GMPR: variants seen among roughly 807,000 people sequenced by gnomAD.
GMPR encodes the protein guanosine monophosphate reductase.
Under a neutral mutation model 38.4 loss-of-function variants are expected in GMPR, and 31 were observed. That is an observed-to-expected ratio of 0.81 (90% CI 0.61 to 1.09). The LOEUF is 1.09. GMPR is among the 50% of genes least tolerant of loss of function. The pLI is 0.00. For synonymous variants in GMPR, 162 were observed against 173.3 expected, an observed-to-expected ratio of 0.93 and a Z score of 0.51; for missense variants, 468 against 453.7, an observed-to-expected ratio of 1.03 and a Z score of -0.29.
intron 3 of GMPR, among the ~76,000 whole-genome samples, chr6:16,250,927 C>A (rs1758861221): frequency 6.6e-6 from 1 of 151,696 alleles, no homozygotes; most frequent in South Asian, 2.1e-4. Flanking sequence ...GGAACTGGAA[C>A]CCTTATTCAC....
At chr6:16,259,335 A>G (rs575827682) in intron 4 of GMPR, 1 of 152,046 alleles carries the variant, frequency 6.6e-6, no homozygotes, top group Admixed American at 6.6e-5. Context: ...TTGTGGTAGA[A>G]TGTCATCAGT....
chr6:16,289,263 T>G (rs1444312130), intron 7 of GMPR, among the ~76,000 whole-genome samples: 1 of 151,966 alleles, frequency 6.6e-6, no homozygotes, highest in African/African-American at 2.4e-5. Context: ...ACAGTGAGAG[T>G]CTATGGCTTC....
intron 4 of GMPR, among the ~76,000 whole-genome samples, chr6:16,272,945 G>T: frequency 6.6e-6 from 1 of 152,114 alleles, no homozygotes; most frequent in East Asian, 1.9e-4. Context: ...TTATAGGCGT[G>T]AGCCACTGCA....
chr6:16,239,208 G>A (rs900765247), intron 1 of GMPR, among the ~76,000 whole-genome samples: 3 of 152,168 alleles, frequency 2.0e-5, no homozygotes, highest in African/African-American at 7.2e-5. Flanking sequence ...TGCTGCTTTC[G>A]CTTCGGGTCC....
At position 16,238,678 on chromosome 6, in the gene GMPR, C is replaced by T. The variant is rs1416912502; in HGVS notation, c.-16C>T. The T allele has an allele frequency of 1.5e-6, 2 of 1,311,488 alleles. No individual in the cohort carries two copies. Among genetic ancestry groups the T allele is most frequent in the South Asian group, 2.0e-5 (1 of 48,932 alleles). 81.2% of individuals were successfully genotyped at this position (1,311,488 alleles called of 1,614,324 possible). A position where few individuals can be genotyped will look rare whatever the true frequency, so the allele number is the denominator to read the frequency against. ...GCCCCGCCGTCGCCGCCGCCGCAGC[C>T]AGGAGCCGCTGCACCATGCCCCGCA... On this transcript the variant is annotated 5_prime_UTR_variant, in exon 1 of 9. Transcript: ENST00000259727.
At chr6:16,238,913 T>G in intron 1 of GMPR, 133 bp downstream of exon 1, 12 of 349,970 alleles carry the variant, frequency 3.4e-5, no homozygotes, top group Admixed American at 9.6e-5. Context: ...TGCGCCCCCG[T>G]TCCCGCGCCC....
chr6:16,248,817 C>G (rs1265769917), intron 2 of GMPR, among the ~76,000 whole-genome samples: 1 of 152,158 alleles, frequency 6.6e-6, no homozygotes, highest in Non-Finnish European at 1.5e-5. Context: ...AGGGAGCAGT[C>G]AAGTCTGATT....
intron 8 of GMPR, among the ~76,000 whole-genome samples, chr6:16,293,042 G>C (rs1759869573): frequency 1.3e-5 from 2 of 150,072 alleles, no homozygotes; most frequent in South Asian, 4.3e-4. Flanking sequence ...CTCTCTCTTA[G>C]TTTTCAGCCC....
intron 6 of GMPR, among the ~76,000 whole-genome samples, chr6:16,284,786 G>C (rs549826717): frequency 6.6e-6 from 1 of 152,058 alleles, no homozygotes; most frequent in Admixed American, 6.6e-5. Flanking sequence ...TTGGGAGGCC[G>C]AGGTGGGCGG....
intron 4 of GMPR, among the ~76,000 whole-genome samples, chr6:16,270,694 G>A (rs35027055): frequency 2.0e-4 from 30 of 152,186 alleles, no homozygotes; most frequent in South Asian, 1.2e-3. Flanking sequence ...AAACTCCCCC[G>A]TCCTCCTGGA....
At chr6:16,270,097 G>A (rs972384754) in intron 4 of GMPR, among the ~76,000 whole-genome samples, 9 of 152,222 alleles carry the variant, frequency 5.9e-5, no homozygotes, top group African/African-American at 1.4e-4. Context: ...TTGGAGGGAC[G>A]TAAACATTCA....
At chr6:16,277,463 C>A (rs1462012164) in intron 5 of GMPR, among the ~76,000 whole-genome samples, 1 of 152,184 alleles carries the variant, frequency 6.6e-6, no homozygotes. Context: ...TTTACCCTGT[C>A]CCCAGAGCGC....
At chr6:16,239,250 A>G (rs1380340028) in intron 1 of GMPR, among the ~76,000 whole-genome samples, 1 of 152,006 alleles carries the variant, frequency 6.6e-6, no homozygotes, top group Non-Finnish European at 1.5e-5. Context: ...CGTCTGAAAA[A>G]CCAGAACCCA....
At chr6:16,276,176 GCTTTATTTT>G (rs1384705253) in intron 5 of GMPR, among the ~76,000 whole-genome samples, 1 of 152,084 alleles carries the variant, frequency 6.6e-6, no homozygotes, top group Admixed American at 6.5e-5. Context: ...GGCTCTCAAA[GCTTTATTTT>G]TTTTGAGACA....
At chr6:16,292,648 A>G (rs1390228228) in intron 8 of GMPR, among the ~76,000 whole-genome samples, 1 of 152,170 alleles carries the variant, frequency 6.6e-6, no homozygotes, top group African/African-American at 2.4e-5. Flanking sequence ...GGGCCTGCAC[A>G]TGTGTCCTCT....
Position 16,295,173 on chromosome 6 carries a change from C to A in GMPR, c.1025C>A (p.Thr342Asn). Residue 342 changes from threonine (T) to asparagine (N), a missense_variant, in exon 9 of 9, where the codon ACC (threonine) becomes AAC (asparagine). Physicochemically the swap from Thr to Asn is moderately conservative, Grantham distance 65. Coordinates refer to ENST00000259727, the MANE Select transcript of GMPR (RefSeq NM_006877.4). ...TFIRVTQQHNTVFS is the reference protein window; with the variant it reads ...TFIRVTQQHNNVFS Reference sequence around the variant, plus strand: ...ATCCGGGTGACCCAGCAGCACAACACCGTGTTCAGCTAACCCTGGGGACAA... The same window carrying A: ...ATCCGGGTGACCCAGCAGCACAACAACGTGTTCAGCTAACCCTGGGGACAA... 1.3e-6 allele frequency: 2 copies of A among 1,523,716 alleles called. No homozygotes were observed. The highest frequency in any genetic ancestry group is 8.8e-7 in the Non-Finnish European group (1 of 1,142,392). 94.4% of individuals were successfully genotyped at this position (1,523,716 alleles called of 1,614,324 possible).
chr6:16,270,987 GACCA>G lies in GMPR; in HGVS notation c.466-3427_466-3424del, dbSNP rs1302912736. Among the ~76,000 whole-genome samples the G allele has an allele frequency of 1.3e-3, 198 of 152,224 alleles. 1 individual carries two copies. Among genetic ancestry groups the G allele is most frequent in the Non-Finnish European group, 2.3e-3 (154 of 68,010 alleles). On this transcript the variant is annotated intron_variant, in intron 4 of 8. Transcript: ENST00000259727. ...GGATTACTTGAGGCCAGGAGTTAGAGACCAGCCTGGGCAACATAGCAAGGCCCTA... is the reference window on the plus strand; with the variant it reads ...GGATTACTTGAGGCCAGGAGTTAGAGGCCTGGGCAACATAGCAAGGCCCTA...
intron 7 of GMPR, 126 bp downstream of exon 7, chr6:16,285,961 C>G (rs886539187): frequency 8.6e-6 from 7 of 809,522 alleles, no homozygotes; most frequent in African/African-American, 1.7e-5. Flanking sequence ...CTGGAGGTTC[C>G]TCTCCCTGGG....
chr6:16,254,741 T>C lies in GMPR; in HGVS notation c.465+6T>C. On this transcript the variant is annotated splice_donor_region_variant and intron_variant, in intron 4 of 8. Coordinates refer to ENST00000259727, the MANE Select transcript of GMPR (RefSeq NM_006877.4). ...TTCCTGAACACACCATTATGGTAAGTACGGTAGAACATTACGGTAGAACAT... is the reference window on the plus strand; with the variant it reads ...TTCCTGAACACACCATTATGGTAAGCACGGTAGAACATTACGGTAGAACAT... The C allele has an allele frequency of 6.2e-7, 1 of 1,603,752 alleles. No homozygotes were observed. The highest frequency in any genetic ancestry group is 1.1e-5 in the South Asian group (1 of 90,846).
Sources: gnomAD v4.1 joint callset for allele counts (sites outside exome capture counted in the v4.1 genomes callset) on GRCh38, gnomAD v4.1.1 for gene constraint, MANE v1.5 for transcripts, NCBI Gene and HGNC (gene_info 2026-07-23, HGNC 2026-07-21) for gene names.